TMEM242: variants seen among roughly 807,000 people sequenced by gnomAD.
The protein encoded by TMEM242 is UPF0463 transmembrane protein C6orf35.
TMEM242 carries 10 observed loss-of-function variants against 18.2 expected under a neutral mutation model. The ratio of observed to expected loss-of-function variants is 0.55; its 90% CI spans 0.34 to 0.93. The LOEUF (loss-of-function observed/expected upper bound fraction) is 0.93. TMEM242 is among the 40% of genes least tolerant of loss of function. The pLI is 0.02. For synonymous variants in TMEM242, 57 were observed against 69.9 expected, an observed-to-expected ratio of 0.81 and a Z score of 0.92; for missense variants, 186 against 175.5, an observed-to-expected ratio of 1.06 and a Z score of -0.34.
At chr6:157,312,200 G>A (rs1562384347) in intron 3 of TMEM242, among the ~76,000 whole-genome samples, 4 of 143,174 alleles carry the variant, frequency 2.8e-5, no homozygotes, top group Non-Finnish European at 4.5e-5. Flanking sequence ...GTCCCAGTGT[G>A]CACTGAGCTA....
Position 157,323,452 on chromosome 6 carries a change from C to T in TMEM242, c.48G>A (p.Glu16=), listed in dbSNP as rs782161351. 10 of 1,614,024 alleles carry T rather than the reference C, an allele frequency of 6.2e-6. No individual in the cohort carries two copies. In the East Asian group the frequency reaches 1.8e-4, roughly 29 times the overall value. ...GCCGGTCATTCGTGGACCCCGGAGC[C>T]TCCAGCCCAGAGGCCGGCTGCCCAG... ...AATGQPASGL[E]APGSTNDRLF... Residue 16 remains glutamate, a synonymous_variant, in exon 1 of 4, where the codon GAG becomes GAA. Coordinates refer to ENST00000400788, the MANE Select transcript of TMEM242 (RefSeq NM_018452.6).
Position 157,299,491 on chromosome 6 carries a change from C to T in TMEM242, c.328-6492G>A, listed in dbSNP as rs1179810275. ...AGTGGATACCAAGCTTTTGTCCAAA[C>T]AAGAAACAAAAACGAGCAGTATCCA... On this transcript the variant is annotated intron_variant, in intron 3 of 3. Transcript: ENST00000400788. 12 of 1,427,486 alleles carry T rather than the reference C, an allele frequency of 8.4e-6. No individual in the cohort carries two copies. The African/African-American group carries it at 1.3e-4, about 15-fold the overall frequency. The allele number at this position is 1,427,486 out of a possible 1,614,324, so 88.4% of individuals were successfully genotyped here. A position where few individuals can be genotyped will look rare whatever the true frequency, so the allele number is the denominator to read the frequency against.
chr6:157,310,059 T>C (rs1450861617), intron 3 of TMEM242, among the ~76,000 whole-genome samples: 1 of 152,196 alleles, frequency 6.6e-6, no homozygotes, highest in East Asian at 1.9e-4. Flanking sequence ...AACTAGGAAT[T>C]ATTTAGATAT....
At chr6:157,312,277 T>C (rs1300720331) in intron 3 of TMEM242, among the ~76,000 whole-genome samples, 10 of 151,114 alleles carry the variant, frequency 6.6e-5, no homozygotes, top group Admixed American at 4.6e-4. Context: ...TGCACTCACC[T>C]AGCCTCAACA....
In TMEM242 at chr6:157,322,774, C is replaced by T. The variant is rs113617786; in HGVS notation, c.120G>A (p.Ala40=). The change falls in exon 2 of 4, where the codon GCG becomes GCA. Residue 40 remains alanine (A), a synonymous_variant. Transcript: ENST00000400788. The part of the protein sequence containing the change: ...GGIFLGTVAA[A]GMLAGFITTL... ...TTGTAATAAATCCAGCTAGCATTCC[C>T]GCTGCAGCAACGGTACCAAGGAAAA... 132 of 1,613,754 alleles carry T rather than the reference C, an allele frequency of 8.2e-5. No homozygotes were observed. The African/African-American group carries it at 1.5e-3, about 18-fold the overall frequency.
chr6:157,313,181 C>T (rs1239363069), intron 3 of TMEM242, among the ~76,000 whole-genome samples: 132 of 146,384 alleles, frequency 9.0e-4, no homozygotes, highest in African/African-American at 3.0e-3. Context: ...TCCCACTGTG[C>T]GCTCACCCGG....
intron 3 of TMEM242, among the ~76,000 whole-genome samples, chr6:157,308,421 A>G (rs189702157): frequency 1.6e-4 from 25 of 152,324 alleles, no homozygotes; most frequent in African/African-American, 5.8e-4. Flanking sequence ...ACAAAAAAGA[A>G]CTGGAGAAAA....
In TMEM242 at chr6:157,318,865, C is replaced by T. The variant is rs782225817; in HGVS notation, c.244G>A (p.Ala82Thr). 3 of 1,612,746 alleles carry T rather than the reference C, an allele frequency of 1.9e-6. No homozygotes were observed. Among genetic ancestry groups the T allele is most frequent in the Non-Finnish European group, 2.5e-6 (3 of 1,179,182 alleles). ...PESGSSLALR[A>T]LGWGSLYAWC... ...GCATACAGGGAGCCCCAGCCCAGAG[C>T]TCGCAAGGCAAGGGAAGACCCGCTT... is the stretch of plus-strand genomic sequence containing the variant. The change falls in exon 3 of 4, where the codon GCT becomes ACT. Residue 82 changes from alanine to threonine, a missense_variant. Ala to Thr is a moderately conservative substitution (Grantham distance 58). Transcript: ENST00000400788.
intron 3 of TMEM242, among the ~76,000 whole-genome samples, chr6:157,310,433 T>G: frequency 2.7e-4 from 1 of 3,770 alleles, no homozygotes; most frequent in Non-Finnish European, 7.3e-4. Flanking sequence ...CATCATAGTG[T>G]CCCAGTGTGC....
chr6:157,304,847 C>T lies in TMEM242; in HGVS notation c.328-11848G>A, dbSNP rs144555843. Among the ~76,000 whole-genome samples the T allele has an allele frequency of 7.9e-3, 1,200 of 152,226 alleles. 11 individuals carry two copies. Among genetic ancestry groups the T allele is most frequent in the African/African-American group, 0.026 (1,091 of 41,514 alleles). On this transcript the variant is annotated intron_variant, in intron 3 of 3. Coordinates refer to ENST00000400788, the MANE Select transcript of TMEM242 (RefSeq NM_018452.6). ...ACCCTGGATAGCAGCAAACAGCCAGCGATGCAAGGACCTGGGGAAGGAGTT... is the reference window on the plus strand; with the variant it reads ...ACCCTGGATAGCAGCAAACAGCCAGTGATGCAAGGACCTGGGGAAGGAGTT...
At chr6:157,299,833 C>T in intron 3 of TMEM242, 2 of 1,611,182 alleles carry the variant, frequency 1.2e-6, no homozygotes, top group Non-Finnish European at 1.7e-6. Context: ...TTGTCTCACC[C>T]TTCAGTTTGC....
intron 3 of TMEM242, 119 bp downstream of exon 3, chr6:157,318,663 C>T (rs1312251621): frequency 8.7e-6 from 10 of 1,142,962 alleles, no homozygotes; most frequent in Non-Finnish European, 1.2e-5. Context: ...CGTACTCTGT[C>T]ATCATCTCCC....
At chr6:157,310,028 T>G (rs1189621035) in intron 3 of TMEM242, among the ~76,000 whole-genome samples, 5 of 152,134 alleles carry the variant, frequency 3.3e-5, no homozygotes, top group Non-Finnish European at 5.9e-5. Flanking sequence ...CATACCCCCC[T>G]GATAAAGTTC....
Position 157,305,274 on chromosome 6 carries a change from G to A in TMEM242, c.328-12275C>T, listed in dbSNP as rs1777894926. 6.6e-6 allele frequency among the ~76,000 whole-genome samples: 1 copy of A among 152,182 alleles called. No homozygotes were observed. Among genetic ancestry groups the A allele is most frequent in the Non-Finnish European group, 1.5e-5 (1 of 68,032 alleles). ...TGACAAGCAGGACTTGCATGCATCA[G>A]ATGAAGGGAACCAAGGGAAATGAGA... On this transcript the variant is annotated intron_variant, in intron 3 of 3. Transcript: ENST00000400788. The surrounding 1 kb of genome is among the most constrained non-coding windows in gnomAD (Gnocchi z 4.1).
At position 157,289,051 on chromosome 6, in the gene TMEM242, A is replaced by AT. The variant is rs1777649315; in HGVS notation, c.*3849_*3850insA. Reference sequence around the variant, plus strand: ...GTCTTTAAGTACATTTAATACATTCACCTTTTTTTTTTTTTAAAGTAAGGG... The same window carrying AT: ...GTCTTTAAGTACATTTAATACATTCATCCTTTTTTTTTTTTTAAAGTAAGGG... On this transcript the variant is annotated 3_prime_UTR_variant, in exon 4 of 4. Coordinates refer to ENST00000400788, the MANE Select transcript of TMEM242 (RefSeq NM_018452.6). 1.7e-5 allele frequency among the ~76,000 whole-genome samples: 1 copy of AT among 58,254 alleles called. No individual in the cohort carries two copies. The highest frequency in any genetic ancestry group is 3.0e-5 in the Non-Finnish European group (1 of 33,686). 38.2% of individuals were successfully genotyped at this position (58,254 alleles called of 152,430 possible). A position where few individuals can be genotyped will look rare whatever the true frequency, so the allele number is the denominator to read the frequency against.
intron 3 of TMEM242, among the ~76,000 whole-genome samples, chr6:157,316,914 C>G (rs1049010896): frequency 2.6e-5 from 4 of 152,160 alleles, no homozygotes; most frequent in South Asian, 2.1e-4. Context: ...AAAGGTTAGA[C>G]TAGGAGAAAA....
At position 157,292,026 on chromosome 6, in the gene TMEM242, T is replaced by C. The variant is rs1777690053; in HGVS notation, c.*875A>G. 6.6e-6 allele frequency: 1 copy of C among 152,154 alleles called. No individual in the cohort carries two copies. Among genetic ancestry groups the C allele is most frequent in the South Asian group, 2.1e-4 (1 of 4,824 alleles). 9.4% of individuals were successfully genotyped at this position (152,154 alleles called of 1,614,324 possible). The stretch of plus-strand genomic sequence containing the variant: ...AGGGAGTTGGGCGTGCACACAGAAT[T>C]TACCCTAACAGCTTTGTTAGGGAGG... On this transcript the variant is annotated 3_prime_UTR_variant, in exon 4 of 4. Coordinates refer to ENST00000400788, the MANE Select transcript of TMEM242 (RefSeq NM_018452.6).
rs1777676800 is a variant in TMEM242 at position 157,290,993 on chromosome 6, C to T, written c.*1908G>A. On this transcript the variant is annotated 3_prime_UTR_variant, in exon 4 of 4. Transcript: ENST00000400788. Reference sequence around the variant, plus strand: ...GCCAGCCCTGTGGGAAAGCAGAGCCCCCACCATGGCCCCTGGCTCCTTCCT... The same window carrying T: ...GCCAGCCCTGTGGGAAAGCAGAGCCTCCACCATGGCCCCTGGCTCCTTCCT... 2 of 152,370 alleles carry T rather than the reference C, an allele frequency of 1.3e-5. No individual in the cohort carries two copies. The highest frequency in any genetic ancestry group is 4.8e-5 in the African/African-American group (2 of 41,470). The allele number at this position is 152,370 out of a possible 1,614,324, so 9.4% of individuals were successfully genotyped here.
intron 3 of TMEM242, among the ~76,000 whole-genome samples, chr6:157,313,123 G>C: frequency 6.7e-6 from 1 of 148,220 alleles, no homozygotes; most frequent in Admixed American, 6.7e-5. Context: ...TGCTCACCCG[G>C]CCTCATCATA....
Sources: allele counts gnomAD v4.1 joint callset (sites outside exome capture counted in the v4.1 genomes callset), GRCh38; gene constraint gnomAD v4.1.1; non-coding constraint Gnocchi (gnomAD v3.1); transcripts MANE v1.5; gene names NCBI Gene and HGNC (gene_info 2026-07-23, HGNC 2026-07-21).